Variants in ANO1 observed in about 807,000 individuals in gnomAD.
The protein encoded by ANO1 is anoctamin 1.
A neutral mutation model predicts 124.0 loss-of-function variants in ANO1; 59 were observed. The ratio of observed to expected loss-of-function variants is 0.48; its 90% confidence interval spans 0.39 to 0.59. The LOEUF is 0.59. Ranked by LOEUF, ANO1 falls within the 20% of genes least tolerant of loss-of-function variation. ANO1 has a pLI of 0.00. For synonymous variants in ANO1, 529 were observed against 532.0 expected (o/e 0.99, Z 0.08); for missense variants, 1,059 against 1,328.0 (o/e 0.80, Z 3.15).
chr11:70,043,538 A>C (rs1432190174), intron 1 of ANO1, among the ~76,000 whole-genome samples: 1 of 152,188 alleles, frequency 6.6e-6, no homozygotes, highest in African/African-American at 2.4e-5. Context: ...CATTATAATC[A>C]AACTGCTGAA....
intron 10 of ANO1, among the ~76,000 whole-genome samples, chr11:70,130,916 C>G (rs1234021857): frequency 6.6e-6 from 1 of 152,228 alleles, no homozygotes; most frequent in Non-Finnish European, 1.5e-5. Context: ...CCAGAGCACC[C>G]AGGCCACGTC....
At chr11:70,067,889 G>T (rs1326362243) in intron 1 of ANO1, among the ~76,000 whole-genome samples, 9 of 152,232 alleles carry the variant, frequency 5.9e-5, no homozygotes, top group Non-Finnish European at 1.5e-5. Context: ...TCCTCCCCTG[G>T]TCCTTCAGCA....
At chr11:70,174,219 T>G (rs143421536) in intron 22 of ANO1, among the ~76,000 whole-genome samples, 18,592 of 151,508 alleles carry the variant, frequency 0.12, 1,213 homozygotes, top group Middle Eastern at 0.16. Flanking sequence ...ATTACAGGCG[T>G]GAGCCACCGT....
At chr11:70,030,853 A>T (rs1437004348) in intron 1 of ANO1, among the ~76,000 whole-genome samples, 1 of 152,238 alleles carries the variant, frequency 6.6e-6, no homozygotes, top group Non-Finnish European at 1.5e-5. Flanking sequence ...AGGATCCCAC[A>T]GAGGCAGAAG....
At chr11:70,119,257 T>TG (rs1390821503) in intron 8 of ANO1, among the ~76,000 whole-genome samples, 6 of 19,300 alleles carry the variant, frequency 3.1e-4, no homozygotes, top group African/African-American at 1.3e-3. Flanking sequence ...TGATGGATGA[T>TG]GGGGGGGTGG....
chr11:70,007,369 C>T (rs562847157), intron 1 of ANO1, among the ~76,000 whole-genome samples: 3 of 151,610 alleles, frequency 2.0e-5, no homozygotes, highest in South Asian at 2.1e-4. Flanking sequence ...CTCCGCCTCC[C>T]GGGTTCACGC....
intron 18 of ANO1, 33 bp downstream of exon 18, chr11:70,161,766 C>G: frequency 6.2e-7 from 1 of 1,600,836 alleles, no homozygotes; most frequent in Non-Finnish European, 8.6e-7. Context: ...CCCAACCTCG[C>G]TTCTCCCAGG....
At chr11:70,164,011 G>A in intron 19 of ANO1, among the ~76,000 whole-genome samples, 1 of 149,386 alleles carries the variant, frequency 6.7e-6, no homozygotes, top group East Asian at 1.9e-4. Flanking sequence ...ACTCGACATT[G>A]AAATGCTTGT....
At chr11:70,089,982 T>G (rs1325778142) in intron 2 of ANO1, among the ~76,000 whole-genome samples, 4 of 146,722 alleles carry the variant, frequency 2.7e-5, no homozygotes, top group Admixed American at 1.4e-4. Flanking sequence ...GTCTCATCTG[T>G]TCCCCAGGGT....
intron 11 of ANO1, 97 bp downstream of exon 11, chr11:70,132,176 AGGGGTTGTCG>A: frequency 1.4e-6 from 2 of 1,425,290 alleles, no homozygotes; most frequent in Admixed American, 2.3e-5. Context: ...ATCCTCAGGC[AGGGGTTGTCG>A]GGAAAAAACA....
rs746052094 is a variant in ANO1, at chr11:70,161,344, C to T, written c.1762C>T (p.Arg588Ter). 6.2e-7 allele frequency: 1 copy of T among 1,613,904 alleles called. No individual in the cohort carries two copies. The highest frequency in any genetic ancestry group is 1.7e-5 in the Admixed American group (1 of 60,030). Residue 588 changes from arginine to a stop codon, truncating the protein, a stop_gained, in exon 17 of 26, where the codon CGA (arginine) becomes TGA (stop). Coordinates refer to ENST00000355303, the MANE Select transcript of ANO1 (RefSeq NM_018043.7). LOFTEE classifies it high-confidence loss of function. Reference sequence around the variant, plus strand: ...GGACGAGGTGTATGGCTGCATAGCCCGATGGCTCACCAAGATCGGTGAGTG... The same window carrying T: ...GGACGAGGTGTATGGCTGCATAGCCTGATGGCTCACCAAGATCGGTGAGTG... Reference protein sequence around the residue: ...LLDEVYGCIARWLTKIEVPKT... With the variant: ...LLDEVYGCIA
At chr11:69,974,881 C>T in the ANO1 span, among the ~76,000 whole-genome samples, 11 of 121,936 alleles carry the variant, frequency 9.0e-5, no homozygotes, top group African/African-American at 2.8e-4. Flanking sequence ...AGGATGCCTC[C>T]GTCTCTAAAA....
chr11:70,009,307 G>C (rs116906196), intron 1 of ANO1, among the ~76,000 whole-genome samples: 2 of 152,180 alleles, frequency 1.3e-5, no homozygotes, highest in Non-Finnish European at 2.9e-5. Context: ...CTTTCTCGGG[G>C]AGGGAGGATA....
chr11:70,097,771 G>A (rs1419075955), intron 2 of ANO1, among the ~76,000 whole-genome samples: 2 of 152,190 alleles, frequency 1.3e-5, no homozygotes, highest in Non-Finnish European at 2.9e-5. Context: ...TATAAAGTCG[G>A]GTGCCTTCCC....
Position 70,188,962 on chromosome 11 carries a change from A to T in ANO1, c.*958A>T, listed in dbSNP as rs997895401. 1.3e-5 allele frequency: 2 copies of T among 152,318 alleles called. No homozygotes were observed. The highest frequency in any genetic ancestry group is 6.6e-5 in the Admixed American group (1 of 15,244). 9.4% of individuals were successfully genotyped at this position (152,318 alleles called of 1,614,324 possible). A position where few individuals can be genotyped will look rare whatever the true frequency, so the allele number is the denominator to read the frequency against. ...AGCTCAAAGGTGGAGGGAGTTTATT[A>T]GTTAACCAAATATCGTTGAGAGGAA... On this transcript the variant is annotated 3_prime_UTR_variant, in exon 26 of 26. Coordinates refer to ENST00000355303, the MANE Select transcript of ANO1 (RefSeq NM_018043.7).
At chr11:70,158,618 G>A (rs1195778472) in intron 16 of ANO1, among the ~76,000 whole-genome samples, 1 of 143,098 alleles carries the variant, frequency 7.0e-6, no homozygotes, top group East Asian at 2.0e-4. Context: ...ATGCCATTCT[G>A]TAGGAACTTG....
intron 1 of ANO1, among the ~76,000 whole-genome samples, chr11:69,987,119 G>A (rs372687942): frequency 7.9e-5 from 12 of 152,092 alleles, no homozygotes; most frequent in East Asian, 3.9e-4. Context: ...CTTTCTAGAA[G>A]TGACACTGTA....
At chr11:70,112,648 C>A (rs2045832375) in intron 7 of ANO1, among the ~76,000 whole-genome samples, 1 of 151,172 alleles carries the variant, frequency 6.6e-6, no homozygotes, top group South Asian at 2.1e-4. Context: ...ACCTCCACCT[C>A]TTGGGTTCAA....
At position 70,171,058 on chromosome 11, in the gene ANO1, C is replaced by G. The variant is rs745702752; in HGVS notation, c.2350+19C>G. On this transcript the variant is annotated intron_variant, in intron 22 of 25. Transcript: ENST00000355303. ...GACATCGGTGAGTGACCCCACGGGC[C>G]GGCAGAACCGGTTCCGAGTGCGTGC... 1.9e-6 allele frequency: 3 copies of G among 1,608,198 alleles called. No individual in the cohort carries two copies. The highest frequency in any genetic ancestry group is 2.5e-6 in the Non-Finnish European group (3 of 1,177,420).
Sources: allele counts gnomAD v4.1 joint callset (sites outside exome capture counted in the v4.1 genomes callset), GRCh38; gene constraint gnomAD v4.1.1; transcripts MANE v1.5; gene names NCBI Gene and HGNC (gene_info 2026-07-23, HGNC 2026-07-21).